ZEB1: variants seen among roughly 807,000 people sequenced by gnomAD.
ZEB1 encodes zinc finger E-box binding homeobox 1, also known as zinc finger E-box-binding homeobox 1.
Under a neutral mutation model 84.9 loss-of-function variants are expected in ZEB1, and 21 were observed. The ratio of observed to expected loss-of-function variants is 0.25; its 90% confidence interval spans 0.18 to 0.36. The LOEUF (loss-of-function observed/expected upper bound fraction) is 0.36, where lower values mean the gene tolerates loss of function less well. ZEB1 is among the 10% of genes least tolerant of loss of function. The pLI, the probability that ZEB1 is intolerant of heterozygous loss-of-function variation, is 1.00. For synonymous variants in ZEB1, 420 were observed against 471.1 expected, an observed-to-expected ratio of 0.89 and a Z score of 1.41; for missense variants, 1,104 against 1,330.2, an observed-to-expected ratio of 0.83 and a Z score of 2.65.
chr10:31,324,199 G>A (rs2034911697), intron 1 of ZEB1, among the ~76,000 whole-genome samples: 1 of 151,896 alleles, frequency 6.6e-6, no homozygotes, highest in African/African-American at 2.4e-5. Context: ...AGATGACCCT[G>A]ATATAAAAAG....
At chr10:31,384,718 C>CT (rs2048319361) in intron 1 of ZEB1, among the ~76,000 whole-genome samples, 1 of 152,156 alleles carries the variant, frequency 6.6e-6, no homozygotes, top group South Asian at 2.1e-4. Context: ...TAAACTTAGA[C>CT]TTCATCTTCT....
intron 1 of ZEB1, among the ~76,000 whole-genome samples, chr10:31,458,895 C>T (rs1318525828): frequency 1.3e-5 from 2 of 151,980 alleles, no homozygotes; most frequent in South Asian, 2.1e-4. Context: ...TATAGATGCC[C>T]CTTGACTTAT....
chr10:31,339,236 T>A (rs995493821), intron 1 of ZEB1, among the ~76,000 whole-genome samples: 3 of 152,226 alleles, frequency 2.0e-5, no homozygotes, highest in African/African-American at 7.2e-5. Flanking sequence ...GTGCTTTTTG[T>A]TAGCTACTTT....
At chr10:31,357,321 G>C (rs1157628895) in intron 1 of ZEB1, among the ~76,000 whole-genome samples, 1 of 152,146 alleles carries the variant, frequency 6.6e-6, no homozygotes, top group Non-Finnish European at 1.5e-5. Context: ...AGAATGCACA[G>C]GGCGTAGAGA....
chr10:31,500,465 C>T (rs1030127782), intron 3 of ZEB1, among the ~76,000 whole-genome samples: 6 of 152,118 alleles, frequency 3.9e-5, no homozygotes, highest in Non-Finnish European at 7.4e-5. Flanking sequence ...CCAACCAGGA[C>T]CAGCATACCC....
intron 1 of ZEB1, among the ~76,000 whole-genome samples, chr10:31,375,855 T>C (rs2046528745): frequency 1.3e-5 from 2 of 151,708 alleles, no homozygotes; most frequent in South Asian, 4.1e-4. Context: ...AATGTAGAAA[T>C]AAAATGGGGT....
intron 5 of ZEB1, among the ~76,000 whole-genome samples, chr10:31,512,506 A>G (rs2070274778): frequency 6.6e-6 from 1 of 152,190 alleles, no homozygotes; most frequent in Admixed American, 6.5e-5. Flanking sequence ...GCAAGGCAGC[A>G]AACTAAAAGG....
intron 3 of ZEB1, among the ~76,000 whole-genome samples, chr10:31,498,021 A>G (rs576389090): frequency 6.6e-6 from 1 of 152,042 alleles, no homozygotes; most frequent in Non-Finnish European, 1.5e-5. Context: ...TCTCAAATAC[A>G]TGTATATAGT....
chr10:31,376,541 A>G (rs1027832215), intron 1 of ZEB1, among the ~76,000 whole-genome samples: 3 of 151,772 alleles, frequency 2.0e-5, no homozygotes, highest in Admixed American at 6.6e-5. Context: ...AGACAATTAT[A>G]TGAAGCAGTT....
At chr10:31,408,959 A>C (rs1295328610) in intron 1 of ZEB1, among the ~76,000 whole-genome samples, 3 of 150,752 alleles carry the variant, frequency 2.0e-5, no homozygotes, top group Non-Finnish European at 3.0e-5. Flanking sequence ...TGAACAGGCA[A>C]CCTACAAAAT....
At chr10:31,364,100 A>G (rs1385193128) in intron 1 of ZEB1, among the ~76,000 whole-genome samples, 1 of 152,032 alleles carries the variant, frequency 6.6e-6, no homozygotes, top group African/African-American at 2.4e-5. Context: ...CGGAGAGGAT[A>G]CTCCTAAGTC....
Position 31,520,223 on chromosome 10 carries a change from A to G in ZEB1, c.891A>G (p.Ile297Met). 6.2e-7 allele frequency: 1 copy of G among 1,613,994 alleles called. No individual in the cohort carries two copies. ...HISSKKCISL[I>M]PVNGRPRTGL... ...GCAGTAAGAAATGTATCAGCTTGAT[A>G]CCTGTGAATGGGCGACCAAGAACAG... is the stretch of plus-strand genomic sequence containing the variant. The change falls in exon 7 of 9, where the codon ATA (isoleucine) becomes ATG (methionine). Residue 297 changes from isoleucine to methionine, a missense_variant. Physicochemically the swap from Ile to Met is conservative, Grantham distance 10 (BLOSUM62 1). Transcript: ENST00000424869. This position sits in a 1 kb window ranked among gnomAD's most constrained non-coding sequence, Gnocchi z 5.1.
At chr10:31,388,411 C>T (rs541531823) in intron 1 of ZEB1, among the ~76,000 whole-genome samples, 8 of 152,194 alleles carry the variant, frequency 5.3e-5, no homozygotes, top group African/African-American at 1.7e-4. Flanking sequence ...TCTAGCAACC[C>T]TACCTCTGAT....
intron 3 of ZEB1, among the ~76,000 whole-genome samples, chr10:31,501,143 A>T (rs1430243507): frequency 6.6e-6 from 1 of 152,162 alleles, no homozygotes; most frequent in African/African-American, 2.4e-5. Context: ...CCTGCTGGGG[A>T]GTGCTGTTTT....
intron 2 of ZEB1, among the ~76,000 whole-genome samples, chr10:31,489,383 AG>A (rs1315424813): frequency 2.0e-5 from 3 of 151,372 alleles, no homozygotes; most frequent in African/African-American, 7.3e-5. Context: ...TTTTGTAGAT[AG>A]GATATTAATG....
intron 2 of ZEB1, among the ~76,000 whole-genome samples, chr10:31,474,972 A>G (rs1210952878): frequency 6.6e-6 from 1 of 151,166 alleles, no homozygotes; most frequent in Non-Finnish European, 1.5e-5. Context: ...CAAAAAATCA[A>G]ACACCGCATA....
intron 1 of ZEB1, among the ~76,000 whole-genome samples, chr10:31,436,626 G>T (rs11812925): frequency 0.015 from 2,276 of 152,194 alleles, 58 homozygotes; most frequent in African/African-American, 0.052. Context: ...CTTCTGTAAG[G>T]ATTAATGGAT....
intron 2 of ZEB1, among the ~76,000 whole-genome samples, chr10:31,469,220 G>T (rs570640465): frequency 3.9e-5 from 6 of 152,032 alleles, no homozygotes; most frequent in African/African-American, 1.4e-4. Context: ...GAAAATGGCC[G>T]AATAGGAACA....
In ZEB1 at chr10:31,417,137, A is replaced by G. The variant is rs146601025; in HGVS notation, c.59-43900A>G. Among the ~76,000 whole-genome samples the G allele has an allele frequency of 2.1e-3, 324 of 152,282 alleles. 1 individual carries two copies. The highest frequency in any genetic ancestry group is 7.6e-3 in the African/African-American group (314 of 41,574). ...GTATATTTTCCATCCCCAGGCTAGG[A>G]CTTATAGTCCCCAGTTGGTTATCAA... On this transcript the variant is annotated intron_variant, in intron 1 of 8. Coordinates refer to ENST00000424869, the MANE Select transcript of ZEB1 (RefSeq NM_001174096.2).
Sources: gnomAD v4.1 joint callset for allele counts (sites outside exome capture counted in the v4.1 genomes callset) on GRCh38, gnomAD v4.1.1 for gene constraint, Gnocchi (gnomAD v3.1) non-coding constraint, MANE v1.5 for transcripts, NCBI Gene and HGNC (gene_info 2026-07-23, HGNC 2026-07-21) for gene names.